AKAP6: variants seen among roughly 807,000 people sequenced by gnomAD.
AKAP6 encodes A-kinase anchoring protein 6, also known as A-kinase anchor protein 6.
Under a neutral mutation model 188.5 loss-of-function variants are expected in AKAP6, and 58 were observed. That is an observed-to-expected ratio of 0.31 (90% confidence interval 0.25 to 0.38). The LOEUF (loss-of-function observed/expected upper bound fraction) is 0.38, where lower values mean the gene tolerates loss of function less well. AKAP6 is among the 10% of genes least tolerant of loss of function. The pLI is 1.00. For missense variants in AKAP6, 2,710 were observed against 2,740.0 expected, an observed-to-expected ratio of 0.99 and a Z score of 0.24; for synonymous variants, 989 against 998.6, an observed-to-expected ratio of 0.99 and a Z score of 0.18.
At chr14:32,365,823 C>T (rs1345304482) in intron 1 of AKAP6, among the ~76,000 whole-genome samples, 1 of 152,150 alleles carries the variant, frequency 6.6e-6, no homozygotes, top group Admixed American at 6.6e-5. Flanking sequence ...CGAGTGAGAA[C>T]ATCTCAGCTT....
In AKAP6 at chr14:32,770,654, C is replaced by T. The variant is rs4982004; in HGVS notation, c.3373-3024C>T. Among the ~76,000 whole-genome samples the T allele has an allele frequency of 7.9e-3, 1,210 of 152,344 alleles. 50 individuals are homozygous for T. Among genetic ancestry groups the T allele is most frequent in the Admixed American group, 0.07 (1,077 of 15,298 alleles). On this transcript the variant is annotated intron_variant, in intron 11 of 13. Coordinates refer to ENST00000280979, the MANE Select transcript of AKAP6 (RefSeq NM_004274.5). ...ACCTCTCAGCCTTCTACCCATGTAA[C>T]CACCACCACCCATCTTGGTCCATCT...
chr14:32,376,453 T>C (rs1888159913), intron 1 of AKAP6, among the ~76,000 whole-genome samples: 1 of 152,248 alleles, frequency 6.6e-6, no homozygotes, highest in Non-Finnish European at 1.5e-5. Context: ...AGTCTACGTC[T>C]GTTTCATTTT....
chr14:32,364,157 T>G (rs569258961), intron 1 of AKAP6, among the ~76,000 whole-genome samples: 2 of 152,272 alleles, frequency 1.3e-5, no homozygotes, highest in Admixed American at 6.5e-5. Flanking sequence ...TCTGGATTGC[T>G]TTTTGTAAAA....
intron 1 of AKAP6, among the ~76,000 whole-genome samples, chr14:32,410,033 G>A (rs1230220277): frequency 6.6e-6 from 1 of 152,016 alleles, no homozygotes; most frequent in Admixed American, 6.6e-5. Flanking sequence ...TAACAAATAA[G>A]GAAGGAAATC....
intron 12 of AKAP6, among the ~76,000 whole-genome samples, chr14:32,779,687 T>G (rs1361034018): frequency 6.6e-6 from 1 of 152,144 alleles, no homozygotes; most frequent in Non-Finnish European, 1.5e-5. Context: ...TTGATACAAC[T>G]GTGAGGAGAC....
chr14:32,524,179 A>G (rs967715524), intron 2 of AKAP6, among the ~76,000 whole-genome samples: 20 of 151,838 alleles, frequency 1.3e-4, no homozygotes, highest in African/African-American at 4.8e-4. Context: ...TGGAGAAGAG[A>G]CTTAAAAGAC....
chr14:32,759,598 G>T, intron 11 of AKAP6, among the ~76,000 whole-genome samples: 1 of 152,038 alleles, frequency 6.6e-6, no homozygotes, highest in East Asian at 1.9e-4. Flanking sequence ...AGGTTTAATT[G>T]GCTCACAGTT....
At chr14:32,693,983 C>T (rs560561775) in intron 8 of AKAP6, among the ~76,000 whole-genome samples, 2 of 152,072 alleles carry the variant, frequency 1.3e-5, no homozygotes, top group Admixed American at 6.5e-5. Flanking sequence ...TTATAGTGGT[C>T]GGGTTTTGTT....
intron 1 of AKAP6, among the ~76,000 whole-genome samples, chr14:32,378,032 A>G (rs1337395989): frequency 1.3e-5 from 2 of 152,180 alleles, no homozygotes; most frequent in Non-Finnish European, 2.9e-5. Flanking sequence ...GGGGAGAGAA[A>G]GAGAGTCTTG....
At chr14:32,381,281 A>C (rs532091942) in intron 1 of AKAP6, among the ~76,000 whole-genome samples, 1 of 152,132 alleles carries the variant, frequency 6.6e-6, no homozygotes. Flanking sequence ...CAGAAGTTGC[A>C]GTGAGCCAAG....
intron 1 of AKAP6, among the ~76,000 whole-genome samples, chr14:32,412,907 A>G (rs1324066897): frequency 6.6e-6 from 1 of 152,182 alleles, no homozygotes; most frequent in Non-Finnish European, 1.5e-5. Flanking sequence ...GAGAGTAGGT[A>G]TAGACATTGC....
In AKAP6 at chr14:32,640,143, A is replaced by T. The variant is rs963692558; in HGVS notation, c.2731-38168A>T. ...ATTTTCAATAAAGGCAAGATAGCAC[A>T]CCTCTTCTTCACTCATAAAATAAAT... On this transcript the variant is annotated intron_variant, in intron 7 of 13. Transcript: ENST00000280979. 3.9e-5 allele frequency among the ~76,000 whole-genome samples: 6 copies of T among 152,064 alleles called. No individual in the cohort carries two copies. The South Asian group carries it at 1.2e-3, about 32-fold the overall frequency.
chr14:32,755,089 T>C (rs561383302), intron 11 of AKAP6, among the ~76,000 whole-genome samples: 8 of 152,388 alleles, frequency 5.2e-5, no homozygotes, highest in Admixed American at 5.2e-4. Context: ...AATAAGCTTT[T>C]TGCCCCCTTC....
chr14:32,601,609 C>A (rs1352122253), intron 7 of AKAP6, among the ~76,000 whole-genome samples: 1 of 152,154 alleles, frequency 6.6e-6, no homozygotes, highest in Non-Finnish European at 1.5e-5. Flanking sequence ...CACAGAAAAC[C>A]TGCCTCATAA....
intron 1 of AKAP6, among the ~76,000 whole-genome samples, chr14:32,381,986 C>G (rs1312311447): frequency 6.6e-6 from 1 of 152,172 alleles, no homozygotes; most frequent in Non-Finnish European, 1.5e-5. Context: ...TGTTCATTTC[C>G]AGTTTGGTGG....
At chr14:32,508,650 C>T (rs1025850030) in intron 2 of AKAP6, among the ~76,000 whole-genome samples, 3 of 152,142 alleles carry the variant, frequency 2.0e-5, no homozygotes, top group African/African-American at 7.2e-5. Context: ...AAATACTAGG[C>T]AGCCATACGG....
chr14:32,494,392 G>A (rs183827797), intron 2 of AKAP6: 2 of 152,086 alleles, frequency 1.3e-5, no homozygotes, highest in South Asian at 2.1e-4. Flanking sequence ...GGCACTATGC[G>A]TTTTCCTTCC....
At chr14:32,470,725 G>C (rs1566523233) in intron 2 of AKAP6, among the ~76,000 whole-genome samples, 2 of 152,202 alleles carry the variant, frequency 1.3e-5, no homozygotes, top group Admixed American at 6.5e-5. Context: ...AATTGAAGTA[G>C]AAAGCAATAC....
At chr14:32,427,516 A>T (rs1394214140) in intron 1 of AKAP6, among the ~76,000 whole-genome samples, 1 of 152,210 alleles carries the variant, frequency 6.6e-6, no homozygotes, top group Non-Finnish European at 1.5e-5. Flanking sequence ...GCAGGCAGCA[A>T]GATTTAAAAC....
Sources: allele counts gnomAD v4.1 joint callset (sites outside exome capture counted in the v4.1 genomes callset), GRCh38; gene constraint gnomAD v4.1.1; transcripts MANE v1.5; gene names NCBI Gene and HGNC (gene_info 2026-07-23, HGNC 2026-07-21).